Variants in GRM5 observed in about 807,000 individuals in gnomAD.
GRM5 encodes the protein metabotropic glutamate receptor 5.
In GRM5, 19 loss-of-function variants were observed where a neutral mutation model predicts 83.1. That is an observed-to-expected ratio of 0.23 (90% CI 0.16 to 0.34). GRM5 has a LOEUF of 0.34. Ranked by LOEUF, GRM5 falls within the 10% of genes least tolerant of loss-of-function variation. The probability of loss-of-function intolerance (pLI) is 1.00; values close to 1 mark genes in which losing one functional copy is unlikely to be tolerated. For missense variants in GRM5, 1,160 were observed against 1,588.3 expected (o/e 0.73, Z 4.58); for synonymous variants, 675 against 633.6 (o/e 1.07, Z -0.98).
At chr11:88,802,650 C>T (rs1943419884) in intron 3 of GRM5, among the ~76,000 whole-genome samples, 1 of 151,970 alleles carries the variant, frequency 6.6e-6, no homozygotes, top group Admixed American at 6.6e-5. Flanking sequence ...TCTCTCACCA[C>T]TCCTATTCAA....
chr11:88,800,906 T>C (rs549692918), intron 3 of GRM5, among the ~76,000 whole-genome samples: 1 of 152,220 alleles, frequency 6.6e-6, no homozygotes, highest in South Asian at 2.1e-4. Context: ...GGAAGGAATA[T>C]GTGTGGGGGG....
intron 3 of GRM5, among the ~76,000 whole-genome samples, chr11:88,813,448 A>G (rs1273617418): frequency 6.6e-6 from 1 of 152,144 alleles, no homozygotes; most frequent in African/African-American, 2.4e-5. Context: ...TTCTACCACC[A>G]TCTACTTTAC....
chr11:88,568,025 G>A, intron 7 of GRM5, 33 bp from the exon 8 acceptor site: 1 of 1,431,304 alleles, frequency 7.0e-7, no homozygotes. Flanking sequence ...TGTAAAGGAG[G>A]GAGAGATGTT....
chr11:88,820,462 C>A (rs977346797), intron 3 of GRM5, among the ~76,000 whole-genome samples: 1 of 150,828 alleles, frequency 6.6e-6, no homozygotes, highest in Non-Finnish European at 1.5e-5. Context: ...AGCCCTGTAC[C>A]TTTTGAAATA....
intron 3 of GRM5, among the ~76,000 whole-genome samples, chr11:88,695,954 A>G (rs1483570340): frequency 1.3e-5 from 2 of 152,208 alleles, no homozygotes; most frequent in Admixed American, 6.5e-5. Flanking sequence ...TGCCCTCTTC[A>G]GGCGACTTGT....
At chr11:88,644,136 A>G (rs910161121) in intron 4 of GRM5, among the ~76,000 whole-genome samples, 2 of 152,188 alleles carry the variant, frequency 1.3e-5, no homozygotes, top group African/African-American at 2.4e-5. Context: ...TATGATTTCA[A>G]TAATTCTTAA....
At chr11:89,059,832 T>C (rs1246904647) in intron 1 of GRM5, among the ~76,000 whole-genome samples, 1 of 152,180 alleles carries the variant, frequency 6.6e-6, no homozygotes, top group Non-Finnish European at 1.5e-5. Context: ...GCAGGTTTGT[T>C]ACATATGTCT....
chr11:88,866,124 T>A (rs1441776209), intron 2 of GRM5, among the ~76,000 whole-genome samples: 1 of 151,986 alleles, frequency 6.6e-6, no homozygotes, highest in Non-Finnish European at 1.5e-5. Context: ...TGCAGCACTA[T>A]TCACAATATC....
chr11:88,643,869 A>T (rs1453755925), intron 4 of GRM5, among the ~76,000 whole-genome samples: 1 of 152,218 alleles, frequency 6.6e-6, no homozygotes, highest in Non-Finnish European at 1.5e-5. Flanking sequence ...AAGATGGCAG[A>T]AGACAACATT....
chr11:88,787,419 A>G (rs1445350157), intron 3 of GRM5, among the ~76,000 whole-genome samples: 1 of 152,136 alleles, frequency 6.6e-6, no homozygotes, highest in Non-Finnish European at 1.5e-5. Flanking sequence ...AGGCCACACC[A>G]TACAAGGTTG....
chr11:88,870,805 G>C (rs117941243), intron 2 of GRM5, among the ~76,000 whole-genome samples: 1 of 151,376 alleles, frequency 6.6e-6, no homozygotes, highest in East Asian at 1.9e-4. Flanking sequence ...AAAATGAGAG[G>C]TAAAGCCAAG....
At chr11:88,839,057 T>G (rs1944144722) in intron 3 of GRM5, among the ~76,000 whole-genome samples, 2 of 152,298 alleles carry the variant, frequency 1.3e-5, no homozygotes. Flanking sequence ...TCAGTTGGTT[T>G]CCTCCACCTG....
chr11:88,974,720 T>C (rs1383064211), intron 2 of GRM5, among the ~76,000 whole-genome samples: 2 of 152,170 alleles, frequency 1.3e-5, no homozygotes, highest in Admixed American at 6.6e-5. Flanking sequence ...TTTTATGGTA[T>C]TACATTAAAA....
intron 2 of GRM5, among the ~76,000 whole-genome samples, chr11:88,996,812 T>C (rs1940199336): frequency 1.3e-5 from 2 of 152,106 alleles, no homozygotes; most frequent in Admixed American, 1.3e-4. Context: ...TTGACCACAA[T>C]GGAATCAAAA....
intron 3 of GRM5, among the ~76,000 whole-genome samples, chr11:88,723,969 A>G (rs1941610817): frequency 1.3e-5 from 2 of 152,252 alleles, no homozygotes; most frequent in East Asian, 1.9e-4. Flanking sequence ...TTGGATATCC[A>G]TTACCTAAAT....
At chr11:89,020,790 C>T (rs1940964903) in intron 2 of GRM5, among the ~76,000 whole-genome samples, 1 of 152,164 alleles carries the variant, frequency 6.6e-6, no homozygotes, top group Non-Finnish European at 1.5e-5. Context: ...ATGTGCCAAG[C>T]ATGATCCTTA....
At chr11:88,737,251 G>A (rs994162143) in intron 3 of GRM5, among the ~76,000 whole-genome samples, 2 of 151,930 alleles carry the variant, frequency 1.3e-5, no homozygotes, top group East Asian at 1.9e-4. Context: ...ATGCTATCAG[G>A]GCACACATCT....
chr11:89,008,377 G>C (rs1940589560), intron 2 of GRM5, among the ~76,000 whole-genome samples: 1 of 151,918 alleles, frequency 6.6e-6, no homozygotes, highest in Admixed American at 6.5e-5. Flanking sequence ...ATTTCCTCTG[G>C]TGTTATTTCT....
intron 7 of GRM5, among the ~76,000 whole-genome samples, chr11:88,587,488 T>A (rs529695551): frequency 5.3e-5 from 8 of 152,180 alleles, no homozygotes; most frequent in Admixed American, 4.6e-4. Context: ...ACATTTTGTA[T>A]GTCATATTGA....
Sources: allele counts gnomAD v4.1 joint callset (sites outside exome capture counted in the v4.1 genomes callset), GRCh38; gene constraint gnomAD v4.1.1; transcripts MANE v1.5; gene names NCBI Gene and HGNC (gene_info 2026-07-23, HGNC 2026-07-21).